Variants in ANKRD36 observed in about 807,000 individuals in gnomAD.
The protein encoded by ANKRD36 is ankyrin repeat domain 36.
In ANKRD36, 179 loss-of-function variants were observed where a neutral mutation model predicts 278.1. The observed-to-expected ratio is 0.64, with a 90% CI of 0.57 to 0.73. The LOEUF (loss-of-function observed/expected upper bound fraction) is 0.73. Ranked by LOEUF, ANKRD36 falls within the 30% of genes least tolerant of loss-of-function variation. The probability of loss-of-function intolerance (pLI) is 0.00; values close to 1 mark genes in which losing one functional copy is unlikely to be tolerated. For synonymous variants in ANKRD36, 320 were observed against 641.1 expected (o/e 0.50, Z 7.57); for missense variants, 1,159 against 1,956.7 (o/e 0.59, Z 7.69).
intron 13 of ANKRD36, 141 bp from the exon 14 acceptor site, chr2:97,152,363 T>C: frequency 3.4e-6 from 2 of 590,690 alleles, no homozygotes; most frequent in South Asian, 4.2e-5. Flanking sequence ...CTCAAACTCC[T>C]TGGCTTCTCA....
chr2:97,145,505 C>T (rs2044033429), intron 10 of ANKRD36, among the ~76,000 whole-genome samples: 1 of 152,004 alleles, frequency 6.6e-6, no homozygotes, highest in South Asian at 2.1e-4. Flanking sequence ...TTAATGAAAA[C>T]AGTTTAGTGA....
Position 97,200,338 on chromosome 2 carries a change from T to C in ANKRD36, c.2760T>C (p.Ser920=), listed in dbSNP as rs777547473. 13 of 1,607,026 alleles carry C rather than the reference T, an allele frequency of 8.1e-6. No homozygotes were observed. The highest frequency in any genetic ancestry group is 2.3e-4 in the Middle Eastern group (1 of 4,440). ...KKDGEKTKRV[S]SRKKPSLEAT... ...TGTATCCCTTTTGCTTTTCAGTGTCTTCTCGGAAAAAACCATCCTTGGAGG... is the reference window on the plus strand; with the variant it reads ...TGTATCCCTTTTGCTTTTCAGTGTCCTCTCGGAAAAAACCATCCTTGGAGG... The change falls in exon 45 of 76, where the codon TCT becomes TCC. Residue 920 remains serine, a synonymous_variant. Transcript: ENST00000420699.
intron 67 of ANKRD36, among the ~76,000 whole-genome samples, chr2:97,227,925 A>T (rs1049492716): frequency 2.6e-5 from 4 of 152,116 alleles, no homozygotes; most frequent in African/African-American, 7.2e-5. Flanking sequence ...TCTGTTTATA[A>T]GCTGGATTAC....
In ANKRD36 at chr2:97,113,709, G is replaced by C. The variant is rs775258747; in HGVS notation, c.-31G>C. 1.2e-6 allele frequency: 2 copies of C among 1,610,936 alleles called. No individual in the cohort carries two copies. The highest frequency in any genetic ancestry group is 1.7e-6 in the Non-Finnish European group (2 of 1,179,642). ...GATCCCCGAAGGCGAGCTGAAATAC[G>C]GCTGCAGGCTACAATTTGCAGCCGA... is the stretch of plus-strand genomic sequence containing the variant. On this transcript the variant is annotated 5_prime_UTR_variant, in exon 1 of 76. Transcript: ENST00000420699.
intron 52 of ANKRD36, 61 bp downstream of exon 52, chr2:97,206,196 C>G: frequency 6.9e-7 from 1 of 1,446,064 alleles, no homozygotes; most frequent in Non-Finnish European, 9.2e-7. Context: ...GTTCTCTTCC[C>G]CAAGTAAATC....
At chr2:97,201,932 C>CAG (rs1289025053) in intron 46 of ANKRD36, among the ~76,000 whole-genome samples, 48 of 151,954 alleles carry the variant, frequency 3.2e-4, no homozygotes, top group Non-Finnish European at 5.9e-4. Context: ...TCGGCATATC[C>CAG]ACATTGATAT....
chr2:97,182,111 A>G (rs575598585), intron 26 of ANKRD36, among the ~76,000 whole-genome samples: 31 of 151,540 alleles, frequency 2.0e-4, no homozygotes, highest in African/African-American at 7.5e-4. Context: ...AAAGAGATGA[A>G]GTATAGATTT....
intron 54 of ANKRD36, among the ~76,000 whole-genome samples, chr2:97,209,055 A>G (rs2063643933): frequency 6.8e-6 from 1 of 146,628 alleles, no homozygotes. Flanking sequence ...CGGAAGGCTA[A>G]ACTAGTGGAT....
At chr2:97,140,806 C>A (rs1258495341) in intron 6 of ANKRD36, among the ~76,000 whole-genome samples, 2 of 151,780 alleles carry the variant, frequency 1.3e-5, no homozygotes, top group Non-Finnish European at 2.9e-5. Context: ...TGAAGTCCAC[C>A]AATATGGTTA....
Position 97,181,968 on chromosome 2 carries a change from A to G in ANKRD36, c.1837+175A>G, listed in dbSNP as rs1229793730. Among the ~76,000 whole-genome samples the G allele has an allele frequency of 1.3e-4, 19 of 151,614 alleles. No homozygotes were observed. The South Asian group carries it at 2.7e-3, about 22-fold the overall frequency. Reference sequence around the variant, plus strand: ...GCTGGTCTTCGACATGATCTTTGCAATAAGATTATAGACTTCCCCACATTG... The same window carrying G: ...GCTGGTCTTCGACATGATCTTTGCAGTAAGATTATAGACTTCCCCACATTG... On this transcript the variant is annotated intron_variant, in intron 26 of 75. Transcript: ENST00000420699.
At chr2:97,230,000 G>C (rs2071360315) in intron 67 of ANKRD36, among the ~76,000 whole-genome samples, 1 of 152,120 alleles carries the variant, frequency 6.6e-6, no homozygotes, top group African/African-American at 2.4e-5. Flanking sequence ...TTTCTGCCGA[G>C]AGATCCACTG....
chr2:97,188,443 G>C (rs1457616939), intron 32 of ANKRD36, among the ~76,000 whole-genome samples: 1 of 151,716 alleles, frequency 6.6e-6, no homozygotes, highest in African/African-American at 2.4e-5. Flanking sequence ...ACTGGATGAA[G>C]AAATTTTCGG....
chr2:97,183,049 T>C (rs2056619844), intron 26 of ANKRD36, among the ~76,000 whole-genome samples: 2 of 151,778 alleles, frequency 1.3e-5, no homozygotes, highest in South Asian at 2.1e-4. Flanking sequence ...ATACTTGCAG[T>C]ATAATGGTAT....
At chr2:97,195,000 C>G in intron 40 of ANKRD36, 83 bp downstream of exon 40, 1 of 1,501,016 alleles carries the variant, frequency 6.7e-7, no homozygotes, top group Non-Finnish European at 9.0e-7. Context: ...GGGGGCTGGT[C>G]AAAGATGCAC....
At chr2:97,215,537 T>C (rs1467332120) in intron 62 of ANKRD36, 40 bp downstream of exon 62, 8 of 1,595,062 alleles carry the variant, frequency 5.0e-6, no homozygotes, top group South Asian at 2.3e-5. Flanking sequence ...TTCGATCAAA[T>C]AGAAGAGAAA....
intron 1 of ANKRD36, among the ~76,000 whole-genome samples, chr2:97,116,495 G>A (rs1363136698): frequency 2.6e-5 from 4 of 151,930 alleles, no homozygotes; most frequent in Admixed American, 1.3e-4. Context: ...GCTGGTCTCA[G>A]ACTCCTGACC....
chr2:97,195,237 G>T (rs1156517131), intron 40 of ANKRD36, among the ~76,000 whole-genome samples: 1 of 151,960 alleles, frequency 6.6e-6, no homozygotes, highest in Non-Finnish European at 1.5e-5. Flanking sequence ...CGGAGAAGGA[G>T]AGGAAGTACA....
At chr2:97,122,682 G>C (rs577095434) in intron 3 of ANKRD36, among the ~76,000 whole-genome samples, 37 of 150,732 alleles carry the variant, frequency 2.5e-4, no homozygotes, top group Non-Finnish European at 4.4e-4. Flanking sequence ...GATGACCAGA[G>C]TTCTTGTGGT....
intron 10 of ANKRD36, among the ~76,000 whole-genome samples, chr2:97,145,405 G>A (rs1446904046): frequency 6.6e-6 from 1 of 151,902 alleles, no homozygotes; most frequent in Non-Finnish European, 1.5e-5. Context: ...TATATGTTTT[G>A]TTGTTATCAG....
Sources: gnomAD v4.1 joint callset for allele counts (sites outside exome capture counted in the v4.1 genomes callset) on GRCh38, gnomAD v4.1.1 for gene constraint, MANE v1.5 for transcripts, NCBI Gene and HGNC (gene_info 2026-07-23, HGNC 2026-07-21) for gene names.